The following EHBP1 variants were observed in gnomAD, a reference collection of about 807,000 sequenced individuals.
EHBP1 encodes EH domain-binding protein 1.
A neutral mutation model predicts 144.0 loss-of-function variants in EHBP1; 55 were observed. The observed-to-expected ratio is 0.38, with a 90% confidence interval of 0.31 to 0.48. The LOEUF (loss-of-function observed/expected upper bound fraction) is 0.48. Ranked by LOEUF, EHBP1 falls within the 20% of genes least tolerant of loss-of-function variation. The pLI, the probability that EHBP1 is intolerant of heterozygous loss-of-function variation, is 0.98. For synonymous variants in EHBP1, 469 were observed against 472.7 expected, an observed-to-expected ratio of 0.99 and a Z score of 0.10; for missense variants, 1,200 against 1,364.2, an observed-to-expected ratio of 0.88 and a Z score of 1.90.
intron 10 of EHBP1, among the ~76,000 whole-genome samples, chr2:62,899,199 T>A (rs894798405): frequency 2.0e-5 from 3 of 152,164 alleles, no homozygotes; most frequent in Non-Finnish European, 2.9e-5. Flanking sequence ...ATTCATGAAC[T>A]CAGGAGCTGA....
At chr2:62,677,433 CATA>C (rs1478969611) in intron 1 of EHBP1, among the ~76,000 whole-genome samples, 2 of 152,004 alleles carry the variant, frequency 1.3e-5, no homozygotes, top group Non-Finnish European at 1.5e-5. Flanking sequence ...GAATGCAGTG[CATA>C]ATAATCACGT....
At chr2:62,979,401 T>A (rs977288844) in intron 15 of EHBP1, 66 bp downstream of exon 15, 14 of 1,497,368 alleles carry the variant, frequency 9.3e-6, no homozygotes, top group Non-Finnish European at 1.3e-5. Context: ...CTTTTGGGAC[T>A]TTTTATTCTT....
intron 19 of EHBP1, among the ~76,000 whole-genome samples, chr2:63,014,239 C>T (rs1208449039): frequency 2.0e-5 from 3 of 152,140 alleles, no homozygotes; most frequent in African/African-American, 7.2e-5. Context: ...AATGCAACAC[C>T]TTTTTCCTTT....
At chr2:62,986,237 A>C (rs1051325295) in intron 15 of EHBP1, among the ~76,000 whole-genome samples, 20 of 152,216 alleles carry the variant, frequency 1.3e-4, no homozygotes, top group African/African-American at 4.8e-4. Flanking sequence ...GAAATTGAAG[A>C]TGCCCACTTC....
intron 10 of EHBP1, among the ~76,000 whole-genome samples, chr2:62,922,110 G>A (rs2153009024): frequency 6.6e-6 from 1 of 152,306 alleles, no homozygotes. Context: ...GGGAGGTGGA[G>A]GTTGCAGTGA....
chr2:62,963,484 A>G (rs952646248), intron 14 of EHBP1, among the ~76,000 whole-genome samples: 1 of 152,208 alleles, frequency 6.6e-6, no homozygotes, highest in Non-Finnish European at 1.5e-5. Context: ...TGTTCTAAGT[A>G]TATATCATCA....
intron 1 of EHBP1, among the ~76,000 whole-genome samples, chr2:62,685,686 C>G (rs933376516): frequency 6.6e-6 from 1 of 152,186 alleles, no homozygotes; most frequent in African/African-American, 2.4e-5. Context: ...CCACATCAGT[C>G]CATAATATCT....
chr2:63,022,914 C>G (rs563717350), intron 19 of EHBP1, among the ~76,000 whole-genome samples: 1 of 152,226 alleles, frequency 6.6e-6, no homozygotes, highest in South Asian at 2.1e-4. Flanking sequence ...TGGCTCACGC[C>G]TGTAATCCTA....
chr2:62,843,190 A>C (rs984622089), intron 7 of EHBP1, among the ~76,000 whole-genome samples: 1 of 152,126 alleles, frequency 6.6e-6, no homozygotes, highest in Non-Finnish European at 1.5e-5. Flanking sequence ...TCATTTTTTC[A>C]TCTCTAGCTT....
chr2:62,879,546 AAC>A (rs70962798), intron 10 of EHBP1, among the ~76,000 whole-genome samples: 26,645 of 133,496 alleles, frequency 0.2, 2,794 homozygotes, highest in African/African-American at 0.3. Flanking sequence ...TATTCACAAT[AAC>A]ACACACACAC....
At chr2:62,907,242 A>G (rs2053875767) in intron 10 of EHBP1, among the ~76,000 whole-genome samples, 2 of 152,146 alleles carry the variant, frequency 1.3e-5, no homozygotes, top group Admixed American at 1.3e-4. Context: ...GTGACTTTTT[A>G]TATTCCCACC....
intron 4 of EHBP1, 120 bp downstream of exon 4, chr2:62,764,481 T>C (rs563835156): frequency 1.6e-6 from 1 of 607,420 alleles, no homozygotes; most frequent in East Asian, 3.3e-5. Flanking sequence ...CTGTGCATTA[T>C]TTTTAGGGAC....
chr2:62,860,964 A>C (rs187670794), intron 8 of EHBP1, among the ~76,000 whole-genome samples: 2 of 151,924 alleles, frequency 1.3e-5, no homozygotes, highest in East Asian at 3.9e-4. Context: ...TTTTATTATT[A>C]AAATATTTTT....
rs1323150684 is a variant in EHBP1 at position 62,838,761 on chromosome 2, G to A, written c.634+7603G>A. Among the ~76,000 whole-genome samples the A allele has an allele frequency of 4.7e-5, 7 of 149,836 alleles. No homozygotes were observed. In the South Asian group the frequency reaches 6.4e-4, roughly 14 times the overall value. On this transcript the variant is annotated intron_variant, in intron 7 of 22. Coordinates refer to ENST00000431489, the MANE Select transcript of EHBP1 (RefSeq NM_001142616.3). The stretch of plus-strand genomic sequence containing the variant: ...TCTAGAAGAAATGGATACATTCCTC[G>A]ACACATACACTCTCCCAAGACTAAA...
At chr2:62,976,012 AT>A (rs1051692663) in intron 14 of EHBP1, among the ~76,000 whole-genome samples, 22 of 152,184 alleles carry the variant, frequency 1.4e-4, no homozygotes, top group African/African-American at 4.3e-4. Context: ...GAAATACAAA[AT>A]AATTCTTTTC....
chr2:62,993,895 A>G lies in EHBP1; in HGVS notation c.2897A>G (p.Gln966Arg). ...GAGATGAAAAGGCAGAGATCAATAC[A>G]GGAAGATACAAAGAAAGGAAATGAG... Reference protein sequence around the residue: ...RPEMKRQRSIQEDTKKGNEEK... With the variant: ...RPEMKRQRSIREDTKKGNEEK... The change falls in exon 18 of 23, where the codon CAG becomes CGG. Residue 966 changes from glutamine (Q) to arginine (R), a missense_variant. Physicochemically the swap from Gln to Arg is conservative, Grantham distance 43 (BLOSUM62 1). This residue lies in a region of EHBP1 where 543 missense variants were observed against 513.1 expected (regional missense o/e 1.06). Coordinates refer to ENST00000431489, the MANE Select transcript of EHBP1 (RefSeq NM_001142616.3). The G allele has an allele frequency of 1.3e-6, 2 of 1,594,706 alleles. No individual in the cohort carries two copies. Among genetic ancestry groups the G allele is most frequent in the Non-Finnish European group, 8.6e-7 (1 of 1,169,144 alleles).
chr2:62,917,553 A>G (rs2054732818), intron 10 of EHBP1, among the ~76,000 whole-genome samples: 1 of 152,184 alleles, frequency 6.6e-6, no homozygotes, highest in South Asian at 2.1e-4. Context: ...TCTATAGTTC[A>G]GGTATGTTCT....
At chr2:62,956,415 CTACA>C (rs2057698071) in intron 14 of EHBP1, among the ~76,000 whole-genome samples, 1 of 152,164 alleles carries the variant, frequency 6.6e-6, no homozygotes, top group Admixed American at 6.5e-5. Flanking sequence ...AGCTAGGTAG[CTACA>C]TGCCAGGTTG....
At chr2:62,919,217 C>A (rs965112928) in intron 10 of EHBP1, among the ~76,000 whole-genome samples, 2 of 152,204 alleles carry the variant, frequency 1.3e-5, no homozygotes, top group African/African-American at 4.8e-5. Context: ...TGCTGTACTT[C>A]CCTCTTTTTG....
Sources: gnomAD v4.1 joint callset for allele counts (sites outside exome capture counted in the v4.1 genomes callset) on GRCh38, gnomAD v4.1.1 for gene constraint, gnomAD v4.1.1 regional missense constraint, MANE v1.5 for transcripts, NCBI Gene and HGNC (gene_info 2026-07-23, HGNC 2026-07-21) for gene names.